ERICH3: variants seen among roughly 807,000 people sequenced by gnomAD.
ERICH3 encodes the protein glutamate-rich protein 3.
In ERICH3, 126 loss-of-function variants were observed where a neutral mutation model predicts 131.1. The ratio of observed to expected loss-of-function variants is 0.96; its 90% CI spans 0.83 to 1.11. The LOEUF (loss-of-function observed/expected upper bound fraction) is 1.11. ERICH3 is among the 50% of genes most tolerant of loss of function. The pLI is 0.00. For synonymous variants in ERICH3, 695 were observed against 644.6 expected, an observed-to-expected ratio of 1.08 and a Z score of -1.18; for missense variants, 2,050 against 1,810.7, an observed-to-expected ratio of 1.13 and a Z score of -2.40.
chr1:74,585,915 C>A (rs1196442748), intron 12 of ERICH3, among the ~76,000 whole-genome samples: 1 of 151,954 alleles, frequency 6.6e-6, no homozygotes, highest in Non-Finnish European at 1.5e-5. Flanking sequence ...AAAACATTAG[C>A]CCCCCAACTG....
rs753982973 is a variant in ERICH3, at chr1:74,571,108, G to A, written c.*9C>T. The A allele has an allele frequency of 1.2e-6, 2 of 1,607,942 alleles. No homozygotes were observed. Among genetic ancestry groups the A allele is most frequent in the Non-Finnish European group, 1.7e-6 (2 of 1,176,558 alleles). Reference sequence around the variant, plus strand: ...TTACGCTTAAACTCACTGTCTGCCAGCAAGTCTCCTAGACCTGCACGTTGT... The same window carrying A: ...TTACGCTTAAACTCACTGTCTGCCAACAAGTCTCCTAGACCTGCACGTTGT... On this transcript the variant is annotated 3_prime_UTR_variant, in exon 14 of 15. Coordinates refer to ENST00000326665, the MANE Select transcript of ERICH3 (RefSeq NM_001002912.5).
chr1:74,578,273 TAAC>T, intron 12 of ERICH3: 1 of 174,058 alleles, frequency 5.7e-6, no homozygotes, highest in Non-Finnish European at 1.2e-5. Flanking sequence ...CACTTAATAA[TAAC>T]AGCAATGATG....
chr1:74,647,484 A>G (rs1646496080), intron 2 of ERICH3, among the ~76,000 whole-genome samples: 1 of 152,130 alleles, frequency 6.6e-6, no homozygotes, highest in Admixed American at 6.6e-5. Flanking sequence ...ATGCATTAGC[A>G]TACATAGAAG....
At chr1:74,650,824 G>A (rs1646526561) in intron 1 of ERICH3, among the ~76,000 whole-genome samples, 1 of 147,184 alleles carries the variant, frequency 6.8e-6, no homozygotes, top group Non-Finnish European at 1.5e-5. Flanking sequence ...TCACGGATAA[G>A]AGGGGACTAC....
intron 1 of ERICH3, among the ~76,000 whole-genome samples, chr1:74,654,356 G>GTATA (rs142830870): frequency 8.7e-4 from 131 of 150,236 alleles, no homozygotes; most frequent in South Asian, 2.8e-3. Flanking sequence ...TAGGATATGT[G>GTATA]TATATATATA....
intron 12 of ERICH3, chr1:74,578,649 CCTT>C (rs1043000288): frequency 4.6e-5 from 7 of 151,558 alleles, no homozygotes; most frequent in African/African-American, 1.7e-4. Context: ...CTTTCCTTTC[CCTT>C]CTTTTTCCCT....
At chr1:74,649,364 T>C in intron 1 of ERICH3, 49 bp from the exon 2 acceptor site, 1 of 1,424,202 alleles carries the variant, frequency 7.0e-7, no homozygotes, top group Non-Finnish European at 9.8e-7. Flanking sequence ...GGTTGTTTGA[T>C]AACCAAGGCA....
chr1:74,617,495 T>C (rs1649024144), intron 8 of ERICH3, among the ~76,000 whole-genome samples: 1 of 152,192 alleles, frequency 6.6e-6, no homozygotes, highest in African/African-American at 2.4e-5. Flanking sequence ...ATCCATGTAA[T>C]GGAATATACT....
At chr1:74,600,943 G>A (rs1052840134) in intron 10 of ERICH3, among the ~76,000 whole-genome samples, 1 of 151,642 alleles carries the variant, frequency 6.6e-6, no homozygotes, top group African/African-American at 2.4e-5. Flanking sequence ...CTTGAGAGCT[G>A]TCCACCCAGT....
intron 6 of ERICH3, among the ~76,000 whole-genome samples, chr1:74,633,877 A>G (rs192398558): frequency 2.0e-5 from 3 of 152,160 alleles, no homozygotes; most frequent in East Asian, 3.9e-4. Flanking sequence ...TACCAATAAT[A>G]TATGAGAAAC....
In ERICH3 at chr1:74,583,314, G is replaced by C. The variant is rs562699043; in HGVS notation, c.2176+6317C>G. 4.6e-5 allele frequency among the ~76,000 whole-genome samples: 7 copies of C among 152,160 alleles called. No individual in the cohort carries two copies. In the East Asian group the frequency reaches 1.4e-3, roughly 29 times the overall value. On this transcript the variant is annotated intron_variant, in intron 12 of 14. Transcript: ENST00000326665. ...ACCCTAGCAGATGCTTAAAACAGTA[G>C]ATAGTATCAAACTCTATATATACTA... is the stretch of plus-strand genomic sequence containing the variant.
intron 7 of ERICH3, among the ~76,000 whole-genome samples, chr1:74,628,365 C>T (rs959357528): frequency 1.3e-5 from 2 of 152,036 alleles, no homozygotes; most frequent in East Asian, 1.9e-4. Flanking sequence ...AGGTTGCTCA[C>T]GGGTGGACGA....
At chr1:74,642,111 T>G (rs1646442824) in intron 4 of ERICH3, among the ~76,000 whole-genome samples, 1 of 152,120 alleles carries the variant, frequency 6.6e-6, no homozygotes, top group South Asian at 2.1e-4. Context: ...CAGTCCTTGA[T>G]GTAGGGCAAT....
chr1:74,587,122 G>A (rs1305320981), intron 12 of ERICH3, among the ~76,000 whole-genome samples: 2 of 151,834 alleles, frequency 1.3e-5, no homozygotes, highest in South Asian at 2.1e-4. Context: ...TCAAGAGATC[G>A]AGACCATCCT....
chr1:74,596,643 C>T (rs1158166054), intron 11 of ERICH3, among the ~76,000 whole-genome samples: 1 of 152,030 alleles, frequency 6.6e-6, no homozygotes, highest in Non-Finnish European at 1.5e-5. Flanking sequence ...TCCAAACTGT[C>T]CATAAAAGTA....
At chr1:74,633,814 G>A (rs1364662372) in intron 6 of ERICH3, among the ~76,000 whole-genome samples, 3 of 151,906 alleles carry the variant, frequency 2.0e-5, no homozygotes, top group Admixed American at 6.6e-5. Context: ...ATTTAAAATG[G>A]TGATAGATAT....
chr1:74,640,118 T>A (rs1390303197), intron 5 of ERICH3, among the ~76,000 whole-genome samples: 2 of 152,176 alleles, frequency 1.3e-5, no homozygotes, highest in African/African-American at 4.8e-5. Context: ...ATCTGCTGGA[T>A]GTATCATAAA....
rs755130008 is a variant in ERICH3 at position 74,612,707 on chromosome 1, T to C, written c.1103A>G (p.Tyr368Cys). 1 of 1,605,372 alleles carries C rather than the reference T, an allele frequency of 6.2e-7. No individual in the cohort carries two copies. The highest frequency in any genetic ancestry group is 8.5e-7 in the Non-Finnish European group (1 of 1,173,428). The change falls in exon 9 of 15, where the codon TAC becomes TGC. Residue 368 changes from tyrosine (Y) to cysteine (C), a missense_variant. By Grantham distance (194) the Tyr-to-Cys change is radical. Transcript: ENST00000326665. ...QVNRLSSCCE[Y>C]KHRKGSRLGG... is the part of the protein sequence containing the mutation. ...AAGCCTGGAACCTTTCCGATGCTTG[T>C]ATTCACAACAGGAGCTTAACCTGTT... is the stretch of plus-strand genomic sequence containing the variant.
intron 7 of ERICH3, among the ~76,000 whole-genome samples, chr1:74,631,408 C>A (rs1419504776): frequency 6.6e-6 from 1 of 151,976 alleles, no homozygotes; most frequent in Non-Finnish European, 1.5e-5. Context: ...ATGTTTCTAA[C>A]AACATGTGAC....
Sources: allele counts gnomAD v4.1 joint callset (sites outside exome capture counted in the v4.1 genomes callset), GRCh38; gene constraint gnomAD v4.1.1; transcripts MANE v1.5; gene names NCBI Gene and HGNC (gene_info 2026-07-23, HGNC 2026-07-21).